Variants in MUC5AC observed in about 807,000 individuals in gnomAD.
The protein encoded by MUC5AC is mucin-5AC.
A neutral mutation model predicts 169.7 loss-of-function variants in MUC5AC; 158 were observed. That is an observed-to-expected ratio of 0.93 (90% CI 0.82 to 1.06). The LOEUF is 1.06. Ranked by LOEUF, MUC5AC falls within the 50% of genes least tolerant of loss-of-function variation. The pLI, the probability that MUC5AC is intolerant of heterozygous loss-of-function variation, is 0.00. For missense variants in MUC5AC, 4,359 were observed against 3,089.9 expected (o/e 1.41, Z -9.74); for synonymous variants, 1,975 against 1,237.0 (o/e 1.60, Z -12.52).
At position 1,191,538 on chromosome 11, in the gene MUC5AC, A is replaced by G; in HGVS notation, c.13393A>G (p.Thr4465Ala). 1 of 645,878 alleles carries G rather than the reference A, an allele frequency of 1.5e-6. No individual in the cohort carries two copies. The highest frequency in any genetic ancestry group is 2.8e-6 in the Non-Finnish European group (1 of 353,070). 40.0% of individuals were successfully genotyped at this position (645,878 alleles called of 1,614,324 possible). ...TSTISLPTTSTTSAPITSMTS... is the reference protein window; with the variant it reads ...TSTISLPTTSATSAPITSMTS... ...CACAATCTCTCTCCCTACAACCAGCACAACCTCTGCTCCTATAACCAGCAT... is the reference window on the plus strand; with the variant it reads ...CACAATCTCTCTCCCTACAACCAGCGCAACCTCTGCTCCTATAACCAGCAT... The change falls in exon 31 of 49, where the codon ACA becomes GCA. Residue 4465 changes from threonine to alanine, a missense_variant. Thr to Ala is a moderately conservative substitution (Grantham distance 58, BLOSUM62 0). Coordinates refer to ENST00000621226, the MANE Select transcript of MUC5AC (RefSeq NM_001304359.2).
In MUC5AC at chr11:1,200,558, C is replaced by T. The variant is rs1040311220; in HGVS notation, c.16821C>T (p.Thr5607=). The T allele has an allele frequency of 2.0e-5, 15 of 764,422 alleles. No individual in the cohort carries two copies. The highest frequency in any genetic ancestry group is 8.5e-5 in the African/African-American group (5 of 59,132). The allele number at this position is 764,422 out of a possible 1,614,324, so 47.4% of individuals were successfully genotyped here. The change falls in exon 49 of 49, where the codon ACC becomes ACT. Residue 5607 remains threonine, a synonymous_variant. Transcript: ENST00000621226. ...TDGSSRAFSY[T]EVEECGCMGR... Reference sequence around the variant, plus strand: ...GCTCCAGCCGGGCCTTCAGCTACACCGAGGTGGAAGAGTGCGGCTGCATGG... The same window carrying T: ...GCTCCAGCCGGGCCTTCAGCTACACTGAGGTGGAAGAGTGCGGCTGCATGG...
rs28398205 is a variant in MUC5AC, at chr11:1,169,067, C to T, written c.1870+41C>T. Reference sequence around the variant, plus strand: ...GCTCGCCTCTGTGCTGGCCGCCTGGCGCTGGTTCACCCGCTTCCATTTGGC... The same window carrying T: ...GCTCGCCTCTGTGCTGGCCGCCTGGTGCTGGTTCACCCGCTTCCATTTGGC... On this transcript the variant is annotated intron_variant, in intron 15 of 48. Transcript: ENST00000621226. The T allele has an allele frequency of 7.1e-4, 1,069 of 1,504,644 alleles. 13 individuals carry two copies. The African/African-American group carries it at 0.014, about 19-fold the overall frequency. The allele number at this position is 1,504,644 out of a possible 1,614,324, so 93.2% of individuals were successfully genotyped here. A position where few individuals can be genotyped will look rare whatever the true frequency, so the allele number is the denominator to read the frequency against.
chr11:1,162,434 C>A, intron 4 of MUC5AC, 98 bp from the exon 5 acceptor site: 2 of 1,178,702 alleles, frequency 1.7e-6, no homozygotes, highest in South Asian at 1.4e-5. Context: ...ACTTCACGGT[C>A]ACGATGACCG....
chr11:1,200,352 G>A lies in MUC5AC; in HGVS notation c.16701-86G>A, dbSNP rs946259979. The A allele has an allele frequency of 2.4e-4, 147 of 614,296 alleles. 3 individuals carry two copies. The highest frequency in any genetic ancestry group is 1.9e-4 in the Non-Finnish European group (65 of 340,386). The allele number at this position is 614,296 out of a possible 1,614,324, so 38.1% of individuals were successfully genotyped here. On this transcript the variant is annotated intron_variant, in intron 48 of 48. Coordinates refer to ENST00000621226, the MANE Select transcript of MUC5AC (RefSeq NM_001304359.2). ...CCTCCAGGAGCAGGGAACACGATGAGGCCGCCCAGAGCTCGGCACGGCGCC... is the reference window on the plus strand; with the variant it reads ...CCTCCAGGAGCAGGGAACACGATGAAGCCGCCCAGAGCTCGGCACGGCGCC...
At chr11:1,163,081 T>C (rs773141631) in intron 6 of MUC5AC, 36 bp downstream of exon 6, 1 of 1,580,894 alleles carries the variant, frequency 6.3e-7, no homozygotes, top group African/African-American at 1.3e-5. Flanking sequence ...CCTTCCTCAG[T>C]GTCCCCTGGG....
intron 38 of MUC5AC, 29 bp downstream of exon 38, chr11:1,196,504 TG>T: frequency 1.3e-6 from 1 of 764,762 alleles, no homozygotes; most frequent in Non-Finnish European, 2.4e-6. Flanking sequence ...GGCCCTGCCA[TG>T]GGCTGCTGGA....
chr11:1,170,179 CCATTCACCCATTCACT>C (rs1860462432), intron 15 of MUC5AC, among the ~76,000 whole-genome samples: 1 of 49,648 alleles, frequency 2.0e-5, no homozygotes, highest in Non-Finnish European at 3.7e-5. Flanking sequence ...ACCCACTCAC[CCATTCACCCATTCACT>C]CACTCACCCA....
chr11:1,173,051 A>AACTT (rs1240235848), intron 16 of MUC5AC, among the ~76,000 whole-genome samples: 1 of 119,698 alleles, frequency 8.4e-6, no homozygotes, highest in Admixed American at 7.9e-5. Context: ...CTCATTCACT[A>AACTT]ACTTACTCAC....
At chr11:1,161,713 C>T (rs1860144893) in intron 3 of MUC5AC, 127 bp downstream of exon 3, 2 of 1,286,568 alleles carry the variant, frequency 1.6e-6, no homozygotes, top group African/African-American at 1.5e-5. Flanking sequence ...GGTATTGGAG[C>T]CAGAGGGCCC....
chr11:1,166,906 CT>C (rs1860349203), intron 11 of MUC5AC, among the ~76,000 whole-genome samples: 3 of 13,208 alleles, frequency 2.3e-4, no homozygotes, highest in African/African-American at 7.0e-4. Flanking sequence ...CACACAGTCT[CT>C]GCACGATGAG....
rs1210010418 is a variant in MUC5AC at position 1,185,478 on chromosome 11, A to C, written c.7333A>C (p.Thr2445Pro). 2.7e-6 allele frequency: 2 copies of C among 728,318 alleles called. No individual in the cohort carries two copies. The highest frequency in any genetic ancestry group is 5.0e-6 in the Non-Finnish European group (2 of 399,398). The allele number at this position is 728,318 out of a possible 1,614,324, so 45.1% of individuals were successfully genotyped here. The stretch of plus-strand genomic sequence containing the variant: ...AACCTCGGCTCCTACAACCAGCACA[A>C]CTTCTGGTCCTGGAACTACCCCAAG... Reference protein sequence around the residue: ...STTSAPTTSTTSGPGTTPSPV... With the variant: ...STTSAPTTSTPSGPGTTPSPV... The change falls in exon 31 of 49, where the codon ACT (threonine) becomes CCT (proline). Residue 2445 changes from threonine to proline, a missense_variant. Transcript: ENST00000621226.
chr11:1,179,960 G>C, intron 26 of MUC5AC, 62 bp from the exon 27 acceptor site: 1 of 398,464 alleles, frequency 2.5e-6, no homozygotes, highest in Non-Finnish European at 4.4e-6. Context: ...ACAGCCCTGG[G>C]GTGCGGGGCC....
In MUC5AC at chr11:1,177,651, G is replaced by A. The variant is rs983312349; in HGVS notation, c.3087+18G>A. The A allele has an allele frequency of 1.8e-5, 7 of 398,538 alleles. No individual in the cohort carries two copies. Among genetic ancestry groups the A allele is most frequent in the South Asian group, 1.3e-4 (1 of 7,850 alleles). The allele number at this position is 398,538 out of a possible 1,614,324, so 24.7% of individuals were successfully genotyped here. A position where few individuals can be genotyped will look rare whatever the true frequency, so the allele number is the denominator to read the frequency against. ...AGTTCAAGGTGAGACCACGCCCCTC[G>A]TCCAGGCCAGGGCCGGCTGGAAACC... On this transcript the variant is annotated intron_variant, in intron 24 of 48. Coordinates refer to ENST00000621226, the MANE Select transcript of MUC5AC (RefSeq NM_001304359.2).
chr11:1,171,414 CCTCA>C (rs1433058034), intron 15 of MUC5AC, among the ~76,000 whole-genome samples: 15,142 of 126,108 alleles, frequency 0.12, 117 homozygotes, highest in Non-Finnish European at 0.15. Context: ...CACTCACTCA[CCTCA>C]CTCACTCACT....
Position 1,188,900 on chromosome 11 carries a change from G to C in MUC5AC, c.10755G>C (p.Val3585=), listed in dbSNP as rs1264275710. Residue 3585 remains valine, a synonymous_variant, in exon 31 of 49, where the codon GTG becomes GTC. Coordinates refer to ENST00000621226, the MANE Select transcript of MUC5AC (RefSeq NM_001304359.2). ...PEVSIEHLGQ[V]VQCSREEGLV... The stretch of plus-strand genomic sequence containing the variant: ...TGAGCATCGAACACCTGGGCCAGGT[G>C]GTGCAGTGCAGCCGCGAAGAGGGCC... 1.6e-5 allele frequency: 12 copies of C among 762,812 alleles called. No individual in the cohort carries two copies. Among genetic ancestry groups the C allele is most frequent in the Non-Finnish European group, 2.6e-5 (11 of 416,800 alleles). 47.3% of individuals were successfully genotyped at this position (762,812 alleles called of 1,614,324 possible). A position where few individuals can be genotyped will look rare whatever the true frequency, so the allele number is the denominator to read the frequency against.
chr11:1,193,820 G>A (rs749828451), intron 33 of MUC5AC, among the ~76,000 whole-genome samples, 161 bp downstream of exon 33: 48 of 152,348 alleles, frequency 3.2e-4, no homozygotes, highest in Non-Finnish European at 5.1e-4. Flanking sequence ...GCATGGGGCC[G>A]AGCCTCCCCG....
Position 1,200,510 on chromosome 11 carries a change from T to C in MUC5AC, c.16773T>C (p.Asn5591=), listed in dbSNP as rs1004076986. The C allele has an allele frequency of 1.3e-6, 1 of 756,600 alleles. No individual in the cohort carries two copies. Among genetic ancestry groups the C allele is most frequent in the African/African-American group, 1.7e-5 (1 of 58,920 alleles). 46.9% of individuals were successfully genotyped at this position (756,600 alleles called of 1,614,324 possible). A position where few individuals can be genotyped will look rare whatever the true frequency, so the allele number is the denominator to read the frequency against. Reference sequence around the variant, plus strand: ...AGGAGCTGCGGACCTCGCTGAGGAATGTGACCCTGCACTGCACCGACGGCT... The same window carrying C: ...AGGAGCTGCGGACCTCGCTGAGGAACGTGACCCTGCACTGCACCGACGGCT... The part of the protein sequence containing the change: ...CCQELRTSLR[N]VTLHCTDGSS... The change falls in exon 49 of 49, where the codon AAT becomes AAC. Residue 5591 remains asparagine, a synonymous_variant. Coordinates refer to ENST00000621226, the MANE Select transcript of MUC5AC (RefSeq NM_001304359.2).
At position 1,194,516 on chromosome 11, in the gene MUC5AC, C is replaced by T. The variant is rs55647237; in HGVS notation, c.15036C>T (p.Pro5012=). The T allele has an allele frequency of 1.8e-5, 14 of 762,284 alleles. No homozygotes were observed. Among genetic ancestry groups the T allele is most frequent in the South Asian group, 2.7e-5 (2 of 74,286 alleles). 47.2% of individuals were successfully genotyped at this position (762,284 alleles called of 1,614,324 possible). ...TCTTCAACAACAAGGTGGTCAGCCC[C>T]GGCTTCCGGAAAAACGGCATCGTGG... The part of the protein sequence containing the change: ...EIIFNNKVVS[P]GFRKNGIVVS... Residue 5012 remains proline (P), a synonymous_variant, in exon 35 of 49, where the codon CCC becomes CCT. Transcript: ENST00000621226.
chr11:1,160,742 C>G, intron 2 of MUC5AC, 53 bp downstream of exon 2: 1 of 1,539,604 alleles, frequency 6.5e-7, no homozygotes. Context: ...CCACCCTCCA[C>G]CGTGTGGCAC....
Sources: gnomAD v4.1 joint callset for allele counts (sites outside exome capture counted in the v4.1 genomes callset) on GRCh38, gnomAD v4.1.1 for gene constraint, MANE v1.5 for transcripts, NCBI Gene and HGNC (gene_info 2026-07-23, HGNC 2026-07-21) for gene names.